Variants in SEC11A observed in about 807,000 individuals in gnomAD.
The protein encoded by SEC11A is signal peptidase complex catalytic subunit SEC11A.
A neutral mutation model predicts 25.6 loss-of-function variants in SEC11A; 14 were observed. That is an observed-to-expected ratio of 0.55 (90% CI 0.36 to 0.85). The LOEUF (loss-of-function observed/expected upper bound fraction) is 0.85, where lower values mean the gene tolerates loss of function less well. SEC11A is among the 40% of genes least tolerant of loss of function. SEC11A has a pLI of 0.01. For missense variants in SEC11A, 153 were observed against 222.9 expected (o/e 0.69, Z 2.00); for synonymous variants, 83 against 76.4 (o/e 1.09, Z -0.45).
intron 3 of SEC11A, among the ~76,000 whole-genome samples, chr15:84,683,076 C>T (rs971853741): frequency 5.1e-4 from 78 of 151,754 alleles, no homozygotes; most frequent in African/African-American, 1.8e-3. Context: ...AAATAAGATG[C>T]CAGTTAGAAA....
intron 1 of SEC11A, among the ~76,000 whole-genome samples, chr15:84,715,665 G>T (rs1242080866): frequency 6.6e-6 from 1 of 152,178 alleles, no homozygotes; most frequent in Admixed American, 6.6e-5. Flanking sequence ...AAACCACCTG[G>T]AGTCGCTCCG....
In SEC11A at chr15:84,669,988, G is replaced by C. The variant is rs372832787; in HGVS notation, c.*31C>G. ...CAAACATCCAGTAACGAAAACTATG[G>C]CATCTTCCCAGGAACAGCAAGGCAG... On this transcript the variant is annotated 3_prime_UTR_variant, in exon 6 of 6. Coordinates refer to ENST00000268220, the MANE Select transcript of SEC11A (RefSeq NM_014300.4). 1.9e-6 allele frequency: 3 copies of C among 1,613,230 alleles called. No homozygotes were observed. The African/African-American group carries it at 4.0e-5, about 22-fold the overall frequency.
rs775586313 is a variant in SEC11A at position 84,687,611 on chromosome 15, T to C, written c.311+14A>G. On this transcript the variant is annotated intron_variant, in intron 3 of 5. Coordinates refer to ENST00000268220, the MANE Select transcript of SEC11A (RefSeq NM_014300.4). ...AAAGCACTTAGAAACAAAGATGCTA[T>C]ACTTTGCACATACTTTTCATGAATC... 1 of 1,555,072 alleles carries C rather than the reference T, an allele frequency of 6.4e-7. No individual in the cohort carries two copies. The highest frequency in any genetic ancestry group is 8.6e-7 in the Non-Finnish European group (1 of 1,161,772).
intron 4 of SEC11A, chr15:84,671,235 G>A (rs1490091492): frequency 6.6e-6 from 1 of 152,370 alleles, no homozygotes; most frequent in African/African-American, 2.4e-5. Context: ...TAGTACTTAG[G>A]ATTTCACCAC....
chr15:84,677,329 G>GT (rs1040795670), intron 4 of SEC11A, among the ~76,000 whole-genome samples: 136 of 148,344 alleles, frequency 9.2e-4, no homozygotes, highest in African/African-American at 2.1e-3. Context: ...CATGTCTTAG[G>GT]TTTTTTTTTT....
chr15:84,678,687 T>G (rs1897203679), intron 4 of SEC11A, among the ~76,000 whole-genome samples: 1 of 152,180 alleles, frequency 6.6e-6, no homozygotes, highest in Admixed American at 6.5e-5. Flanking sequence ...GCGTTTTATG[T>G]TTGTATAAAT....
In SEC11A at chr15:84,680,698, C is replaced by A. The variant is rs1897264422; in HGVS notation, c.431+15G>T. On this transcript the variant is annotated intron_variant, in intron 4 of 5. Transcript: ENST00000268220. ...AGTGATATAAAAAGTTTGAGATGCTCCCCTCTATACTTACCCCCTGGCTCT... is the reference window on the plus strand; with the variant it reads ...AGTGATATAAAAAGTTTGAGATGCTACCCTCTATACTTACCCCCTGGCTCT... 1 of 1,575,928 alleles carries A rather than the reference C, an allele frequency of 6.3e-7. No homozygotes were observed. Among genetic ancestry groups the A allele is most frequent in the South Asian group, 1.2e-5 (1 of 85,024 alleles).
chr15:84,687,552 G>T, intron 3 of SEC11A, 73 bp downstream of exon 3: 3 of 1,271,600 alleles, frequency 2.4e-6, no homozygotes, highest in Non-Finnish European at 3.2e-6. Context: ...CAATCTTTAG[G>T]CTATCAAAAC....
intron 1 of SEC11A, among the ~76,000 whole-genome samples, chr15:84,701,324 T>C (rs1332096922): frequency 6.6e-6 from 1 of 150,990 alleles, no homozygotes; most frequent in Admixed American, 6.6e-5. Flanking sequence ...ATAATAATAA[T>C]AATTTTTTTT....
chr15:84,679,706 G>A (rs1323253003), intron 4 of SEC11A, among the ~76,000 whole-genome samples: 1 of 152,150 alleles, frequency 6.6e-6, no homozygotes, highest in African/African-American at 2.4e-5. Context: ...AGCCACTTAC[G>A]ACCATCAGTA....
chr15:84,699,517 AAAG>A lies in SEC11A; in HGVS notation c.52-7876_52-7874del, dbSNP rs553960035. Among the ~76,000 whole-genome samples, 601 of 152,268 alleles carry A rather than the reference AAAG, an allele frequency of 3.9e-3. 2 individuals are homozygous for A. The highest frequency in any genetic ancestry group is 0.014 in the African/African-American group (571 of 41,542). On this transcript the variant is annotated intron_variant, in intron 1 of 5. Coordinates refer to ENST00000268220, the MANE Select transcript of SEC11A (RefSeq NM_014300.4). The stretch of plus-strand genomic sequence containing the variant: ...CTGTGATTACTTAGAAAGGGGAAAC[AAAG>A]AAGGTGAGACCTACAACTGCCTCAA...
intron 4 of SEC11A, among the ~76,000 whole-genome samples, chr15:84,678,643 G>T (rs1897202546): frequency 6.6e-6 from 1 of 152,166 alleles, no homozygotes; most frequent in East Asian, 1.9e-4. Flanking sequence ...GGGGTTATAA[G>T]ATAGTGTGAC....
At chr15:84,681,664 A>T (rs1689212263) in intron 3 of SEC11A, among the ~76,000 whole-genome samples, 2 of 152,074 alleles carry the variant, frequency 1.3e-5, no homozygotes, top group Admixed American at 6.6e-5. Context: ...GAGAGTATAA[A>T]GCCACATCAA....
At chr15:84,697,951 G>A (rs1156865817) in intron 1 of SEC11A, among the ~76,000 whole-genome samples, 1 of 152,052 alleles carries the variant, frequency 6.6e-6, no homozygotes, top group East Asian at 1.9e-4. Context: ...TGATATCAAA[G>A]TTCTATATAA....
Position 84,670,793 on chromosome 15 carries a change from C to CA in SEC11A, c.432-12dup. 2 of 1,349,000 alleles carry CA rather than the reference C, an allele frequency of 1.5e-6. No homozygotes were observed. The highest frequency in any genetic ancestry group is 2.0e-6 in the Non-Finnish European group (2 of 980,786). The allele number at this position is 1,349,000 out of a possible 1,614,324, so 83.6% of individuals were successfully genotyped here. On this transcript the variant is annotated splice_polypyrimidine_tract_variant and intron_variant, in intron 4 of 5. Coordinates refer to ENST00000268220, the MANE Select transcript of SEC11A (RefSeq NM_014300.4). Reference sequence around the variant, plus strand: ...ATATAAGGAACAAATCTAAAACAAACAAAAAACTGATTATCACAGAATTTC... The same window carrying CA: ...ATATAAGGAACAAATCTAAAACAAACAAAAAAACTGATTATCACAGAATTTC...
chr15:84,708,762 T>C (rs1255510481), intron 1 of SEC11A, among the ~76,000 whole-genome samples: 1 of 151,274 alleles, frequency 6.6e-6, no homozygotes, highest in East Asian at 1.9e-4. Context: ...GACTCCAGCC[T>C]AGGTGACAGA....
chr15:84,703,022 G>A (rs1445643270), intron 1 of SEC11A, among the ~76,000 whole-genome samples: 4 of 152,210 alleles, frequency 2.6e-5, no homozygotes, highest in Non-Finnish European at 4.4e-5. Context: ...AAGATTTCAT[G>A]ATGACTGGTG....
intron 4 of SEC11A, among the ~76,000 whole-genome samples, chr15:84,674,838 G>C (rs1391249171): frequency 6.6e-6 from 1 of 152,188 alleles, no homozygotes; most frequent in Non-Finnish European, 1.5e-5. Flanking sequence ...GAGATTACAA[G>C]CGTGAGCCAC....
chr15:84,687,556 T>C, intron 3 of SEC11A, 69 bp downstream of exon 3: 1 of 1,347,948 alleles, frequency 7.4e-7, no homozygotes, highest in South Asian at 1.7e-5. Flanking sequence ...CTTTAGGCTA[T>C]CAAAACTAAA....
Sources: gnomAD v4.1 joint callset for allele counts (sites outside exome capture counted in the v4.1 genomes callset) on GRCh38, gnomAD v4.1.1 for gene constraint, MANE v1.5 for transcripts, NCBI Gene and HGNC (gene_info 2026-07-23, HGNC 2026-07-21) for gene names.